LMBR1: variants seen among roughly 807,000 people sequenced by gnomAD.
LMBR1 encodes limb region 1 protein homolog.
A neutral mutation model predicts 73.9 loss-of-function variants in LMBR1; 52 were observed. That is an observed-to-expected ratio of 0.70 (90% CI 0.56 to 0.89). The LOEUF (loss-of-function observed/expected upper bound fraction) is 0.89. Among genes scored for constraint, LMBR1 ranks in the 40% least tolerant of loss-of-function variants. The pLI is 0.00. For synonymous variants in LMBR1, 215 were observed against 209.4 expected, an observed-to-expected ratio of 1.03 and a Z score of -0.23; for missense variants, 539 against 579.8, an observed-to-expected ratio of 0.93 and a Z score of 0.72.
At position 156,685,016 on chromosome 7, in the gene LMBR1, G is replaced by A. The variant is rs1003793654; in HGVS notation, c.1388-853C>T. ...TTACACACATGCAGGAAAATGTAGG[G>A]AAAGCCACAGCCAAATATTAATATG... On this transcript the variant is annotated intron_variant, in intron 16 of 16. Coordinates refer to ENST00000353442, the MANE Select transcript of LMBR1 (RefSeq NM_022458.4). This position sits in a 1 kb window ranked among gnomAD's most constrained non-coding sequence, Gnocchi z 4.1. 1.3e-5 allele frequency among the ~76,000 whole-genome samples: 2 copies of A among 151,938 alleles called. No individual in the cohort carries two copies. Among genetic ancestry groups the A allele is most frequent in the Admixed American group, 6.6e-5 (1 of 15,260 alleles).
At position 156,715,638 on chromosome 7, in the gene LMBR1, C is replaced by T. The variant is rs1337276346; in HGVS notation, c.1225+8474G>A. ...TCTATACTCATTAAACAAGAACTCC[C>T]ATTCCTCCTCACCCTAGTTCCTGGC... On this transcript the variant is annotated intron_variant, in intron 15 of 16. Coordinates refer to ENST00000353442, the MANE Select transcript of LMBR1 (RefSeq NM_022458.4). 8.5e-5 allele frequency among the ~76,000 whole-genome samples: 13 copies of T among 152,182 alleles called. No individual in the cohort carries two copies. In the East Asian group the frequency reaches 2.5e-3, roughly 29 times the overall value.
chr7:156,873,106 T>C (rs2098893053), intron 1 of LMBR1, among the ~76,000 whole-genome samples: 1 of 152,194 alleles, frequency 6.6e-6, no homozygotes, highest in Non-Finnish European at 1.5e-5. Flanking sequence ...ACTTCAAGAA[T>C]GAAGCCGCGG....
chr7:156,820,826 G>A (rs1230666092), intron 4 of LMBR1, among the ~76,000 whole-genome samples: 1 of 152,308 alleles, frequency 6.6e-6, no homozygotes, highest in Non-Finnish European at 1.5e-5. Flanking sequence ...TCCAGGCTCT[G>A]TGCAGGCTGC....
chr7:156,868,920 G>C (rs938739363), intron 1 of LMBR1, among the ~76,000 whole-genome samples: 4 of 152,108 alleles, frequency 2.6e-5, no homozygotes, highest in African/African-American at 9.7e-5. Context: ...AGCCATGATC[G>C]CACCACTGCA....
intron 1 of LMBR1, among the ~76,000 whole-genome samples, chr7:156,891,191 A>C (rs1380919624): frequency 2.9e-4 from 14 of 47,798 alleles, no homozygotes; most frequent in African/African-American, 1.3e-3. Context: ...ACTCCATCAC[A>C]AAAAAAAAAA....
At chr7:156,874,170 G>A (rs1223437235) in intron 1 of LMBR1, among the ~76,000 whole-genome samples, 1 of 152,264 alleles carries the variant, frequency 6.6e-6, no homozygotes, top group African/African-American at 2.4e-5. Context: ...GCTAAGGCCG[G>A]ACAAGAAATT....
intron 2 of LMBR1, 67 bp downstream of exon 2, chr7:156,836,746 T>C (rs1837705685): frequency 2.0e-6 from 2 of 1,007,880 alleles, no homozygotes; most frequent in Non-Finnish European, 3.0e-6. Context: ...TACTAATATA[T>C]CTTATATACC....
Position 156,684,140 on chromosome 7 carries a change from T to G in LMBR1, c.1411A>C (p.Asn471His), listed in dbSNP as rs759960113. 1.2e-6 allele frequency: 2 copies of G among 1,614,004 alleles called. No homozygotes were observed. The highest frequency in any genetic ancestry group is 1.7e-6 in the Non-Finnish European group (2 of 1,179,926). The change falls in exon 17 of 17, where the codon AAT becomes CAT. Residue 471 changes from asparagine to histidine, a missense_variant. Transcript: ENST00000353442. ...ALGLHKLHLP[N>H]TSRDSETAKP... is the part of the protein sequence containing the mutation. ...GCTGTTTCTGAATCCCTTGAAGTAT[T>G]TGGTAAGTGAAGTTTATGAAGCCCT...
At chr7:156,698,583 C>T (rs1808872425) in intron 15 of LMBR1, among the ~76,000 whole-genome samples, 1 of 152,226 alleles carries the variant, frequency 6.6e-6, no homozygotes, top group Admixed American at 6.5e-5. Flanking sequence ...GCTGCCAAAG[C>T]TTGGGGCTTC....
intron 4 of LMBR1, among the ~76,000 whole-genome samples, chr7:156,813,672 T>C (rs1201622257): frequency 1.3e-5 from 2 of 152,182 alleles, no homozygotes; most frequent in Admixed American, 1.3e-4. Flanking sequence ...CTTTTTCTCC[T>C]TTTCCCACAT....
intron 1 of LMBR1, among the ~76,000 whole-genome samples, chr7:156,889,191 T>C (rs73167965): frequency 0.039 from 5,985 of 152,232 alleles, 169 homozygotes; most frequent in Non-Finnish European, 0.049. Context: ...GTCAGATTCA[T>C]ATAGGCAGAA....
chr7:156,828,399 G>C (rs564413218), intron 3 of LMBR1, among the ~76,000 whole-genome samples: 4 of 152,082 alleles, frequency 2.6e-5, no homozygotes, highest in Admixed American at 2.0e-4. Context: ...TTCTGAAATG[G>C]AGCATTATTT....
At chr7:156,828,891 T>C (rs1428546039) in intron 3 of LMBR1, among the ~76,000 whole-genome samples, 2 of 152,220 alleles carry the variant, frequency 1.3e-5, no homozygotes, top group African/African-American at 4.8e-5. Context: ...TCCTCCTTTT[T>C]CCTTTTTGCC....
intron 1 of LMBR1, among the ~76,000 whole-genome samples, chr7:156,852,323 A>C (rs933293906): frequency 3.3e-5 from 5 of 152,230 alleles, no homozygotes; most frequent in Non-Finnish European, 7.3e-5. Context: ...GTAAGCCAAC[A>C]AATATTACCA....
intron 10 of LMBR1, among the ~76,000 whole-genome samples, chr7:156,731,593 C>T (rs1035968160): frequency 6.6e-6 from 1 of 152,090 alleles, no homozygotes; most frequent in African/African-American, 2.4e-5. Flanking sequence ...CTGATAGCTA[C>T]CAAACAAAAA....
chr7:156,873,382 C>T (rs374550306), intron 1 of LMBR1, among the ~76,000 whole-genome samples: 40 of 152,254 alleles, frequency 2.6e-4, no homozygotes, highest in African/African-American at 9.1e-4. Context: ...CTCATAAAAG[C>T]AGCGTGGACC....
chr7:156,725,845 G>A lies in LMBR1; in HGVS notation c.994-8C>T. The A allele has an allele frequency of 1.2e-6, 2 of 1,608,690 alleles. No homozygotes were observed. The highest frequency in any genetic ancestry group is 8.5e-7 in the Non-Finnish European group (1 of 1,177,298). On this transcript the variant is annotated splice_polypyrimidine_tract_variant and splice_region_variant and intron_variant, in intron 12 of 16. Coordinates refer to ENST00000353442, the MANE Select transcript of LMBR1 (RefSeq NM_022458.4). ...ATTTCCTATTCCAGGCCCCTGGGGTGGGAGAAAGACACTTTTCAGAATTTG... is the reference window on the plus strand; with the variant it reads ...ATTTCCTATTCCAGGCCCCTGGGGTAGGAGAAAGACACTTTTCAGAATTTG...
intron 5 of LMBR1, chr7:156,779,864 C>G (rs1161205816): frequency 1.3e-5 from 4 of 311,180 alleles, no homozygotes; most frequent in African/African-American, 2.1e-5. Context: ...AAGGGTCTCT[C>G]AGTAACATTA....
At chr7:156,674,298 C>T (rs997395674), downstream of LMBR1, among the ~76,000 whole-genome samples, 21 of 152,194 alleles carry the variant, frequency 1.4e-4, no homozygotes, top group Admixed American at 2.0e-4. Context: ...ACATGAGCCA[C>T]GTCCATCTGG....
Sources: allele counts gnomAD v4.1 joint callset (sites outside exome capture counted in the v4.1 genomes callset), GRCh38; gene constraint gnomAD v4.1.1; non-coding constraint Gnocchi (gnomAD v3.1); transcripts MANE v1.5; gene names NCBI Gene and HGNC (gene_info 2026-07-23, HGNC 2026-07-21).